The following TANC2 variants were observed in gnomAD, a reference collection of about 807,000 sequenced individuals.
The protein encoded by TANC2 is tetratricopeptide repeat, ankyrin repeat and coiled-coil containing 2.
In TANC2, 26 loss-of-function variants were observed where a neutral mutation model predicts 210.5. That is an observed-to-expected ratio of 0.12 (90% CI 0.09 to 0.17). The LOEUF (loss-of-function observed/expected upper bound fraction) is 0.17, where lower values mean the gene tolerates loss of function less well. Among genes scored for constraint, TANC2 ranks in the 10% least tolerant of loss-of-function variants. The pLI, the probability that TANC2 is intolerant of heterozygous loss-of-function variation, is 1.00. For missense variants in TANC2, 2,129 were observed against 2,608.9 expected (o/e 0.82, Z 4.01); for synonymous variants, 931 against 967.1 (o/e 0.96, Z 0.69).
chr17:63,111,650 T>C (rs1394991569), intron 4 of TANC2, among the ~76,000 whole-genome samples: 1 of 152,204 alleles, frequency 6.6e-6, no homozygotes, highest in Non-Finnish European at 1.5e-5. Context: ...AATCTGTCTT[T>C]ATCAAAAAAT....
intron 8 of TANC2, among the ~76,000 whole-genome samples, chr17:63,243,064 C>T (rs898742174): frequency 6.6e-6 from 1 of 152,140 alleles, no homozygotes; most frequent in African/African-American, 2.4e-5. Context: ...GAGTAAAAAA[C>T]TGTCTTTGAT....
chr17:63,046,730 T>TG (rs1407970605), intron 2 of TANC2, among the ~76,000 whole-genome samples: 1 of 152,204 alleles, frequency 6.6e-6, no homozygotes, highest in Non-Finnish European at 1.5e-5. Flanking sequence ...CATGGTATTA[T>TG]GCTAAGTACT....
chr17:63,200,745 A>T, intron 6 of TANC2, 26 bp from the exon 7 acceptor site: 1 of 1,598,394 alleles, frequency 6.3e-7, no homozygotes, highest in Non-Finnish European at 8.5e-7. Context: ...AGGTTATCTT[A>T]CTTATTCATG....
rs188969106 is a variant in TANC2 at position 63,356,797 on chromosome 17, A to G, written c.2582+1407A>G. Among the ~76,000 whole-genome samples, 17 of 152,296 alleles carry G rather than the reference A, an allele frequency of 1.1e-4. No homozygotes were observed. The East Asian group carries it at 3.1e-3, about 28-fold the overall frequency. On this transcript the variant is annotated intron_variant, in intron 14 of 27. Coordinates refer to ENST00000689528, the Ensembl canonical transcript of TANC2. ...TTCTTATCTACATAAGAGCAATAATAATGCCTTTTTTCTAGAGTTGTTGAG... is the reference window on the plus strand; with the variant it reads ...TTCTTATCTACATAAGAGCAATAATGATGCCTTTTTTCTAGAGTTGTTGAG...
intron 9 of TANC2, among the ~76,000 whole-genome samples, chr17:63,292,018 T>A (rs1158082048): frequency 6.6e-6 from 1 of 152,144 alleles, no homozygotes; most frequent in Non-Finnish European, 1.5e-5. Flanking sequence ...TGGTAACAAA[T>A]GGAAAAGAAC....
intron 7 of TANC2, among the ~76,000 whole-genome samples, chr17:63,209,184 A>G (rs797010725): frequency 2.4e-4 from 36 of 148,662 alleles, no homozygotes; most frequent in African/African-American, 8.6e-4. Flanking sequence ...TAATTTTTGT[A>G]TTTTTTTTTG....
rs2049044803 is a variant in TANC2, at chr17:63,422,290, CTTG to C, written c.*340_*342del. The C allele has an allele frequency of 1.3e-5, 3 of 225,356 alleles. No homozygotes were observed. The East Asian group carries it at 2.9e-4, about 22-fold the overall frequency. The allele number at this position is 225,356 out of a possible 1,614,324, so 14.0% of individuals were successfully genotyped here. On this transcript the variant is annotated 3_prime_UTR_variant, in exon 28 of 28. Transcript: ENST00000689528. ...GGAGACAATCGCTTTCACTGATGTT[CTTG>C]TTGTGTAATTGTCTTTTTCCTTTTT... is the stretch of plus-strand genomic sequence containing the variant.
intron 17 of TANC2, chr17:63,390,319 T>A (rs931036504): frequency 6.6e-6 from 1 of 152,208 alleles, no homozygotes; most frequent in African/African-American, 2.4e-5. Context: ...TATTCAGTGC[T>A]GTTACGAGGG....
intron 8 of TANC2, among the ~76,000 whole-genome samples, chr17:63,248,071 A>T (rs1029057657): frequency 6.6e-6 from 1 of 152,120 alleles, no homozygotes; most frequent in African/African-American, 2.4e-5. Context: ...TGTATAATGT[A>T]TGTAAATATT....
chr17:63,315,588 C>CA (rs1015981459), intron 10 of TANC2, among the ~76,000 whole-genome samples: 19 of 152,010 alleles, frequency 1.2e-4, no homozygotes, highest in Non-Finnish European at 2.5e-4. Flanking sequence ...TAGAAGAGAA[C>CA]AAAAAAAGAA....
chr17:63,000,968 CAA>C (rs3060700), intron 1 of TANC2, among the ~76,000 whole-genome samples: 49,591 of 121,746 alleles, frequency 0.41, 11,957 homozygotes, highest in African/African-American at 0.73. Context: ...TTAGAACTAG[CAA>C]AAAAAAAAAA....
intron 2 of TANC2, among the ~76,000 whole-genome samples, chr17:63,070,458 G>A (rs562620559): frequency 3.3e-5 from 5 of 152,236 alleles, no homozygotes; most frequent in East Asian, 3.9e-4. Context: ...CCCCTAGGCC[G>A]GACATCATTT....
intron 8 of TANC2, among the ~76,000 whole-genome samples, chr17:63,252,250 T>C (rs2043072169): frequency 6.6e-6 from 1 of 152,140 alleles, no homozygotes; most frequent in Admixed American, 6.5e-5. Flanking sequence ...TGGGTCATAG[T>C]ATATGTATAT....
chr17:63,374,409 C>G (rs987700089), intron 14 of TANC2, among the ~76,000 whole-genome samples: 2 of 152,152 alleles, frequency 1.3e-5, no homozygotes, highest in African/African-American at 4.8e-5. Context: ...ATATATACCC[C>G]TATTACCTAG....
chr17:63,378,324 C>T (rs2147070215), intron 14 of TANC2, among the ~76,000 whole-genome samples: 1 of 151,968 alleles, frequency 6.6e-6, no homozygotes, highest in African/African-American at 2.4e-5. Flanking sequence ...CCTAAATATA[C>T]ATACATGTCA....
intron 5 of TANC2, among the ~76,000 whole-genome samples, chr17:63,179,157 C>A (rs528138019): frequency 6.6e-6 from 1 of 152,056 alleles, no homozygotes; most frequent in East Asian, 1.9e-4. Context: ...TTATTTCCCC[C>A]GTGAGACTAT....
chr17:63,396,280 A>G (rs2048154441), intron 18 of TANC2: 1 of 204,060 alleles, frequency 4.9e-6, no homozygotes, highest in Non-Finnish European at 1.0e-5. Flanking sequence ...CATAACATTT[A>G]GAATCTCAGA....
chr17:63,072,898 A>C (rs139626041), intron 2 of TANC2, among the ~76,000 whole-genome samples: 18 of 152,208 alleles, frequency 1.2e-4, no homozygotes, highest in African/African-American at 4.3e-4. Flanking sequence ...GAATTAAAAA[A>C]CAGGCCATTC....
chr17:63,425,113 G>A (rs1365793407), exon 28 of TANC2: 1 of 152,046 alleles, frequency 6.6e-6, no homozygotes, highest in Non-Finnish European at 1.5e-5. Context: ...ATCTGCTGTT[G>A]TATCTTGTCC....
Sources: allele counts gnomAD v4.1 joint callset (sites outside exome capture counted in the v4.1 genomes callset), GRCh38; gene constraint gnomAD v4.1.1; transcripts MANE v1.5; gene names NCBI Gene and HGNC (gene_info 2026-07-23, HGNC 2026-07-21).